SH3KBP1: variants seen among roughly 807,000 people sequenced by gnomAD.
SH3KBP1 encodes SH3 domain-containing kinase-binding protein 1.
SH3KBP1 carries 8 observed loss-of-function variants against 50.1 expected under a neutral mutation model. The ratio of observed to expected loss-of-function variants is 0.16; its 90% CI spans 0.09 to 0.29. The LOEUF is 0.29. SH3KBP1 is among the 10% of genes least tolerant of loss of function. The pLI is 1.00. For missense variants in SH3KBP1, 377 were observed against 535.2 expected (o/e 0.70, Z 2.92); for synonymous variants, 227 against 218.6 (o/e 1.04, Z -0.34).
chrX:19,598,229 T>TTTTTTTTATTTA (rs766793545), intron 9 of SH3KBP1, among the ~76,000 whole-genome samples: 1 of 101,906 alleles, frequency 9.8e-6, no homozygotes, highest in African/African-American at 3.7e-5. Flanking sequence ...GCAAGTCTGT[T>TTTTTTTTATTTA]TTTATTTATT....
Position 19,621,335 on chromosome X carries a change from C to T in SH3KBP1, c.897+10529G>A, listed in dbSNP as rs753470427. ...CGATCTCCTGACCTCGTGATCCGCC[C>T]GTCTTGGCTTCCCAAAGTGCTGGGA... On this transcript the variant is annotated intron_variant, in intron 8 of 17. Coordinates refer to ENST00000397821, the MANE Select transcript of SH3KBP1 (RefSeq NM_031892.3). Among the ~76,000 whole-genome samples the T allele has an allele frequency of 9.4e-5, 10 of 106,880 alleles. No individual in the cohort carries two copies. In the South Asian group the frequency reaches 3.4e-3, roughly 36 times the overall value. 92.8% of individuals were successfully genotyped at this position (106,880 alleles called of 115,157 possible). A position where few individuals can be genotyped will look rare whatever the true frequency, so the allele number is the denominator to read the frequency against.
intron 4 of SH3KBP1, among the ~76,000 whole-genome samples, chrX:19,699,666 T>C: frequency 8.9e-6 from 1 of 112,362 alleles, no homozygotes; most frequent in African/African-American, 3.2e-5. Flanking sequence ...GCCTTGCAAT[T>C]TTCATGTCTT....
At position 19,836,108 on chromosome X, in the gene SH3KBP1, T is replaced by G; in HGVS notation, c.162+17A>C. On this transcript the variant is annotated intron_variant, in intron 2 of 17. Coordinates refer to ENST00000397821, the MANE Select transcript of SH3KBP1 (RefSeq NM_031892.3). The stretch of plus-strand genomic sequence containing the variant: ...GCCCACACAGGAGACAGGAAAAGGG[T>G]TTTGCTTTGTACTCACTCTTACAAA... 8.3e-7 allele frequency: 1 copy of G among 1,205,263 alleles called. No homozygotes were observed. The highest frequency in any genetic ancestry group is 1.1e-6 in the Non-Finnish European group (1 of 891,461).
At position 19,857,519 on chromosome X, in the gene SH3KBP1, T is replaced by C. The variant is rs753491450; in HGVS notation, c.5-21237A>G. Among the ~76,000 whole-genome samples the C allele has an allele frequency of 8.2e-5, 9 of 110,115 alleles. No individual in the cohort carries two copies. In the South Asian group the frequency reaches 3.5e-3, roughly 43 times the overall value. On this transcript the variant is annotated intron_variant, in intron 1 of 17. Coordinates refer to ENST00000397821, the MANE Select transcript of SH3KBP1 (RefSeq NM_031892.3). ...GGGTGGATCGCTTGAGGTCAGGAGTTTGAGACCAGCGTGGCCAAGATGGTG... is the reference window on the plus strand; with the variant it reads ...GGGTGGATCGCTTGAGGTCAGGAGTCTGAGACCAGCGTGGCCAAGATGGTG...
chrX:19,622,362 C>T (rs1339088465), intron 8 of SH3KBP1, among the ~76,000 whole-genome samples: 2 of 112,361 alleles, frequency 1.8e-5, no homozygotes, highest in African/African-American at 6.5e-5. Context: ...TTTGCATGCA[C>T]TCCTGTGAGG....
At position 19,536,286 on chromosome X, in the gene SH3KBP1, G is replaced by A; in HGVS notation, c.*131C>T. 2 of 440,558 alleles carry A rather than the reference G, an allele frequency of 4.5e-6. No individual in the cohort carries two copies. Among genetic ancestry groups the A allele is most frequent in the Non-Finnish European group, 4.0e-6 (1 of 249,571 alleles). The allele number at this position is 440,558 out of a possible 1,213,427, so 36.3% of individuals were successfully genotyped here. Reference sequence around the variant, plus strand: ...TTTGTGTTGTGCTATCAAGACTTTTGTGCTAATCTTTCAAACAGGGACATT... The same window carrying A: ...TTTGTGTTGTGCTATCAAGACTTTTATGCTAATCTTTCAAACAGGGACATT... On this transcript the variant is annotated 3_prime_UTR_variant, in exon 18 of 18. Coordinates refer to ENST00000397821, the MANE Select transcript of SH3KBP1 (RefSeq NM_031892.3).
chrX:19,614,494 C>T (rs1370918915), intron 8 of SH3KBP1, among the ~76,000 whole-genome samples: 3 of 111,955 alleles, frequency 2.7e-5, no homozygotes, highest in East Asian at 5.6e-4. Flanking sequence ...CACCTGTCTG[C>T]ACATTTAGAA....
At chrX:19,868,852 C>A (rs1182567060) in intron 1 of SH3KBP1, among the ~76,000 whole-genome samples, 1 of 108,366 alleles carries the variant, frequency 9.2e-6, no homozygotes, top group Admixed American at 9.8e-5. Flanking sequence ...ATAATGCTCC[C>A]CAATCCCCAC....
chrX:19,834,820 AGGAGTT>A (rs1291122480), intron 2 of SH3KBP1, among the ~76,000 whole-genome samples: 3 of 110,782 alleles, frequency 2.7e-5, no homozygotes, highest in Non-Finnish European at 5.7e-5. Context: ...ACTTGAGGTC[AGGAGTT>A]TGAGACCAGC....
chrX:19,545,902 C>T lies in SH3KBP1; in HGVS notation c.1623+20G>A, dbSNP rs753970744. On this transcript the variant is annotated intron_variant, in intron 15 of 17. Transcript: ENST00000397821. ...ATGCATGAAATGACAGGGACACCCT[C>T]GCCATGGCTGGTGACTCACTTGGGA... is the stretch of plus-strand genomic sequence containing the variant. 5 of 1,209,441 alleles carry T rather than the reference C, an allele frequency of 4.1e-6. No homozygotes were observed. Among genetic ancestry groups the T allele is most frequent in the Admixed American group, 4.3e-5 (2 of 45,987 alleles).
chrX:19,821,463 C>G (rs2067523764), intron 2 of SH3KBP1, among the ~76,000 whole-genome samples: 1 of 111,881 alleles, frequency 8.9e-6, no homozygotes, highest in Non-Finnish European at 1.9e-5. Context: ...CCTATTTTTA[C>G]CCATTTGCTA....
chrX:19,676,701 G>A (rs1156469485), intron 6 of SH3KBP1, among the ~76,000 whole-genome samples: 1 of 111,715 alleles, frequency 9.0e-6, no homozygotes, highest in Non-Finnish European at 1.9e-5. Context: ...ACTGTAATTT[G>A]GCTAATTAAA....
intron 2 of SH3KBP1, chrX:19,747,569 G>C (rs2064952640): frequency 3.0e-6 from 1 of 338,215 alleles, no homozygotes. Flanking sequence ...GACTAGGCCC[G>C]AGCAGAGGGC....
intron 2 of SH3KBP1, among the ~76,000 whole-genome samples, chrX:19,800,485 G>T (rs1200383764): frequency 1.8e-5 from 2 of 111,797 alleles, no homozygotes; most frequent in African/African-American, 6.5e-5. Flanking sequence ...TTAATAACTA[G>T]ATAGGAATGA....
At chrX:19,624,084 C>T (rs1339019339) in intron 8 of SH3KBP1, among the ~76,000 whole-genome samples, 1 of 112,061 alleles carries the variant, frequency 8.9e-6, no homozygotes, top group African/African-American at 3.2e-5. Flanking sequence ...CTACCTCAGC[C>T]TCCCCAAAGT....
chrX:19,658,290 G>A (rs2062346506), intron 6 of SH3KBP1, among the ~76,000 whole-genome samples: 1 of 111,362 alleles, frequency 9.0e-6, no homozygotes, highest in Non-Finnish European at 1.9e-5. Flanking sequence ...TGCCTGCTGT[G>A]TTCATTCACC....
chrX:19,583,138 A>C (rs1046137328), intron 12 of SH3KBP1, among the ~76,000 whole-genome samples: 48 of 65,430 alleles, frequency 7.3e-4, no homozygotes, highest in African/African-American at 2.0e-3. Context: ...TATTATTATT[A>C]TTATTATTAT....
intron 5 of SH3KBP1, among the ~76,000 whole-genome samples, chrX:19,685,375 T>C (rs2063140966): frequency 8.9e-6 from 1 of 112,440 alleles, no homozygotes; most frequent in African/African-American, 3.2e-5. Flanking sequence ...CAGAATCAAA[T>C]CCTTAAAACA....
At chrX:19,834,670 A>G (rs2068007626) in intron 2 of SH3KBP1, among the ~76,000 whole-genome samples, 1 of 112,050 alleles carries the variant, frequency 8.9e-6, no homozygotes, top group Non-Finnish European at 1.9e-5. Flanking sequence ...ATTACTGAAG[A>G]AGTAAGTCTT....
Sources: allele counts gnomAD v4.1 joint callset (sites outside exome capture counted in the v4.1 genomes callset), GRCh38; gene constraint gnomAD v4.1.1; transcripts MANE v1.5; gene names NCBI Gene and HGNC (gene_info 2026-07-23, HGNC 2026-07-21).